The following ATRNL1 variants were observed in gnomAD, a reference collection of about 807,000 sequenced individuals.
ATRNL1 encodes the protein attractin like 1.
A neutral mutation model predicts 182.7 loss-of-function variants in ATRNL1; 95 were observed. That is an observed-to-expected ratio of 0.52 (90% confidence interval 0.44 to 0.62). The LOEUF (loss-of-function observed/expected upper bound fraction) is 0.62. Ranked by LOEUF, ATRNL1 falls within the 20% of genes least tolerant of loss-of-function variation. The pLI is 0.00. For synonymous variants in ATRNL1, 576 were observed against 568.3 expected (o/e 1.01, Z -0.19); for missense variants, 1,471 against 1,679.5 (o/e 0.88, Z 2.17).
At chr10:115,814,700 C>T (rs1419593368) in intron 27 of ATRNL1, among the ~76,000 whole-genome samples, 1 of 152,138 alleles carries the variant, frequency 6.6e-6, no homozygotes, top group Non-Finnish European at 1.5e-5. Context: ...GAAGAAGCAG[C>T]ACTGGTTTGA....
chr10:115,530,714 G>C (rs1851520226), intron 25 of ATRNL1, among the ~76,000 whole-genome samples: 1 of 151,290 alleles, frequency 6.6e-6, no homozygotes, highest in Non-Finnish European at 1.5e-5. Flanking sequence ...TGCCATGCTG[G>C]TGTGCTGCAC....
rs142326300 is a variant in ATRNL1 at position 115,111,372 on chromosome 10, C to G, written c.294-8813C>G. ...TGTATTGCTACGAAGGAATACTTGACGCTGGATAATGTGTAAGGAAAAGAG... is the reference window on the plus strand; with the variant it reads ...TGTATTGCTACGAAGGAATACTTGAGGCTGGATAATGTGTAAGGAAAAGAG... On this transcript the variant is annotated intron_variant, in intron 1 of 28. Transcript: ENST00000355044. Among the ~76,000 whole-genome samples the G allele has an allele frequency of 3.6e-3, 554 of 152,212 alleles. 2 individuals are homozygous for G. Among genetic ancestry groups the G allele is most frequent in the African/African-American group, 0.013 (535 of 41,532 alleles).
intron 28 of ATRNL1, among the ~76,000 whole-genome samples, chr10:115,870,838 T>C (rs4751936): frequency 0.49 from 74,481 of 152,014 alleles, 20,027 homozygotes; most frequent in East Asian, 0.75. Flanking sequence ...AGTTTTCTCA[T>C]CATAATTTGA....
At chr10:115,905,935 T>C (rs1304419053) in intron 28 of ATRNL1, among the ~76,000 whole-genome samples, 2 of 152,206 alleles carry the variant, frequency 1.3e-5, no homozygotes, top group African/African-American at 4.8e-5. Flanking sequence ...AGTTGAAGAA[T>C]AGCCTGGTTT....
intron 27 of ATRNL1, among the ~76,000 whole-genome samples, chr10:115,802,609 A>C (rs1406792850): frequency 2.6e-5 from 4 of 152,250 alleles, no homozygotes; most frequent in Admixed American, 1.3e-4. Context: ...AACAAATCTC[A>C]TTCTCCAGAA....
At chr10:115,455,194 T>C (rs1275411894) in intron 21 of ATRNL1, among the ~76,000 whole-genome samples, 1 of 152,200 alleles carries the variant, frequency 6.6e-6, no homozygotes, top group African/African-American at 2.4e-5. Context: ...ATCACATTTA[T>C]TGATTTGTAT....
intron 27 of ATRNL1, among the ~76,000 whole-genome samples, chr10:115,727,721 C>G (rs1184390773): frequency 6.6e-6 from 1 of 152,164 alleles, no homozygotes. Context: ...TCTTTATTAA[C>G]AAAGTTTACT....
chr10:115,458,635 T>G (rs1402231227), intron 21 of ATRNL1, among the ~76,000 whole-genome samples: 7 of 152,126 alleles, frequency 4.6e-5, no homozygotes, highest in African/African-American at 1.7e-4. Flanking sequence ...CTGGAGTCCA[T>G]ATAGACAGAA....
At chr10:115,706,977 C>T (rs913359084) in intron 26 of ATRNL1, among the ~76,000 whole-genome samples, 1 of 151,806 alleles carries the variant, frequency 6.6e-6, no homozygotes, top group Non-Finnish European at 1.5e-5. Flanking sequence ...TAATTTCTTA[C>T]AAATTCTAAA....
intron 27 of ATRNL1, among the ~76,000 whole-genome samples, chr10:115,780,373 C>T (rs1555079030): frequency 1.3e-5 from 2 of 152,200 alleles, no homozygotes; most frequent in African/African-American, 4.8e-5. Flanking sequence ...AAACTTGAAA[C>T]ACAGTCTAGG....
At chr10:115,425,456 G>T (rs566934411) in intron 20 of ATRNL1, among the ~76,000 whole-genome samples, 2 of 152,014 alleles carry the variant, frequency 1.3e-5, no homozygotes, top group East Asian at 1.9e-4. Context: ...GAAATGTTAT[G>T]CAAAACCATG....
chr10:115,298,917 A>G (rs1735625619), intron 15 of ATRNL1, among the ~76,000 whole-genome samples: 3 of 152,008 alleles, frequency 2.0e-5, no homozygotes, highest in Admixed American at 2.0e-4. Flanking sequence ...TGTGAAATTT[A>G]TTGTATTTGT....
intron 26 of ATRNL1, among the ~76,000 whole-genome samples, chr10:115,549,880 G>T (rs1247069442): frequency 1.3e-5 from 2 of 151,752 alleles, no homozygotes; most frequent in African/African-American, 4.8e-5. Context: ...AGCGTCTGTT[G>T]AAATTTAAAA....
intron 1 of ATRNL1, among the ~76,000 whole-genome samples, chr10:115,098,671 A>G (rs1307816993): frequency 1.3e-5 from 2 of 151,464 alleles, no homozygotes; most frequent in South Asian, 2.1e-4. Flanking sequence ...GTTAGCCAGG[A>G]TGGTCTCGAT....
chr10:115,421,023 A>G (rs911279571), intron 20 of ATRNL1, among the ~76,000 whole-genome samples: 1 of 152,182 alleles, frequency 6.6e-6, no homozygotes, highest in Non-Finnish European at 1.5e-5. Flanking sequence ...GGGCAGACCA[A>G]TAATGAGAAA....
At position 115,456,742 on chromosome 10, in the gene ATRNL1, C is replaced by CT. The variant is rs781861540; in HGVS notation, c.3323-5198dup. Among the ~76,000 whole-genome samples the CT allele has an allele frequency of 1.4e-4, 21 of 152,262 alleles. No individual in the cohort carries two copies. The Middle Eastern group carries it at 0.017, about 123-fold the overall frequency. The stretch of plus-strand genomic sequence containing the variant: ...TCATCCTCTATCCACAGACAAAACT[C>CT]TAATACAGTATCAACTAATTTCTAA... On this transcript the variant is annotated intron_variant, in intron 21 of 28. Transcript: ENST00000355044.
At chr10:115,687,144 A>G (rs1395554463) in intron 26 of ATRNL1, among the ~76,000 whole-genome samples, 2 of 152,128 alleles carry the variant, frequency 1.3e-5, no homozygotes, top group African/African-American at 4.8e-5. Context: ...TGTTAAGTAT[A>G]TAATACATTA....
chr10:115,188,317 G>C (rs76072423), intron 8 of ATRNL1, among the ~76,000 whole-genome samples: 1 of 152,114 alleles, frequency 6.6e-6, no homozygotes, highest in Non-Finnish European at 1.5e-5. Context: ...GAATTCCCTT[G>C]AACTTGCTGT....
At chr10:115,308,972 T>C (rs1853877840) in intron 17 of ATRNL1, among the ~76,000 whole-genome samples, 1 of 152,178 alleles carries the variant, frequency 6.6e-6, no homozygotes, top group South Asian at 2.1e-4. Context: ...CTTCTACATA[T>C]GTTGATCCAG....
Sources: allele counts gnomAD v4.1 joint callset (sites outside exome capture counted in the v4.1 genomes callset), GRCh38; gene constraint gnomAD v4.1.1; transcripts MANE v1.5; gene names NCBI Gene and HGNC (gene_info 2026-07-23, HGNC 2026-07-21).